Variants in IL1R2 observed in about 807,000 individuals in gnomAD.
IL1R2 encodes the protein interleukin 1 receptor type 2.
Under a neutral mutation model 39.5 loss-of-function variants are expected in IL1R2, and 46 were observed. That is an observed-to-expected ratio of 1.16 (90% CI 0.92 to 1.49). IL1R2 has a LOEUF of 1.49. Among genes scored for constraint, IL1R2 ranks in the 40% most tolerant of loss-of-function variants. IL1R2 has a pLI of 0.00. For missense variants in IL1R2, 537 were observed against 502.0 expected (o/e 1.07, Z -0.67); for synonymous variants, 207 against 189.6 (o/e 1.09, Z -0.75).
intron 1 of IL1R2, among the ~76,000 whole-genome samples, chr2:101,993,312 C>T (rs1169457494): frequency 1.3e-5 from 2 of 152,086 alleles, no homozygotes; most frequent in Non-Finnish European, 2.9e-5. Flanking sequence ...TGACAGCTCA[C>T]CTGCTCAGGG....
At position 102,028,400 on chromosome 2, in the gene IL1R2, G is replaced by T. The variant is rs1263620542; in HGVS notation, c.*8G>T. 6.4e-7 allele frequency: 1 copy of T among 1,574,176 alleles called. No homozygotes were observed. Reference sequence around the variant, plus strand: ...CAATCCTATCCCAAGTGAAATAAATGGAATGAAATAATTCAAACACAAACT... The same window carrying T: ...CAATCCTATCCCAAGTGAAATAAATTGAATGAAATAATTCAAACACAAACT... On this transcript the variant is annotated 3_prime_UTR_variant, in exon 9 of 9. Transcript: ENST00000332549.
At chr2:102,004,571 A>G (rs1248575520) in intron 1 of IL1R2, among the ~76,000 whole-genome samples, 1 of 152,174 alleles carries the variant, frequency 6.6e-6, no homozygotes, top group Non-Finnish European at 1.5e-5. Flanking sequence ...TCTTCCAGTA[A>G]GAAGGTCAAC....
At chr2:102,018,182 C>T (rs564215053) in intron 4 of IL1R2, among the ~76,000 whole-genome samples, 1 of 152,298 alleles carries the variant, frequency 6.6e-6, no homozygotes, top group East Asian at 1.9e-4. Context: ...GTGATCCTTC[C>T]ACCTCAGCTT....
At chr2:101,995,253 A>G (rs955110278) in intron 1 of IL1R2, among the ~76,000 whole-genome samples, 1 of 152,182 alleles carries the variant, frequency 6.6e-6, no homozygotes, top group Non-Finnish European at 1.5e-5. Context: ...GAGGATCAGG[A>G]GGTCAGTGTC....
chr2:102,022,682 T>C (rs759660900), intron 6 of IL1R2, among the ~76,000 whole-genome samples: 3 of 152,204 alleles, frequency 2.0e-5, no homozygotes, highest in African/African-American at 4.8e-5. Context: ...TGGGCTCAGC[T>C]GTGGTCAGTT....
At chr2:102,011,335 C>T (rs1676619292) in intron 3 of IL1R2, among the ~76,000 whole-genome samples, 2 of 152,186 alleles carry the variant, frequency 1.3e-5, no homozygotes, top group African/African-American at 4.8e-5. Flanking sequence ...AGTGGCTGTA[C>T]CATTTTTCAT....
At chr2:102,009,414 G>A (rs1676473813) in intron 2 of IL1R2, 148 bp from the exon 3 acceptor site, 7 of 853,160 alleles carry the variant, frequency 8.2e-6, no homozygotes, top group South Asian at 3.3e-5. Context: ...CCAGGGTGTA[G>A]GTCTTTTTGT....
intron 1 of IL1R2, among the ~76,000 whole-genome samples, chr2:101,992,467 AG>A (rs918812393): frequency 6.6e-6 from 1 of 150,538 alleles, no homozygotes; most frequent in African/African-American, 2.5e-5. Flanking sequence ...GGAGACAGAC[AG>A]AGAGACAGAG....
chr2:102,017,102 A>T (rs1239635477), intron 4 of IL1R2, among the ~76,000 whole-genome samples: 1 of 152,186 alleles, frequency 6.6e-6, no homozygotes, highest in Non-Finnish European at 1.5e-5. Flanking sequence ...GAGTTTTTTT[A>T]AAAAGTACAT....
At chr2:102,019,408 C>G (rs1169671149) in intron 4 of IL1R2, among the ~76,000 whole-genome samples, 2 of 152,122 alleles carry the variant, frequency 1.3e-5, no homozygotes, top group East Asian at 1.9e-4. Flanking sequence ...CAAATATGCT[C>G]TAACTATTGT....
intron 1 of IL1R2, among the ~76,000 whole-genome samples, chr2:101,995,293 ATGT>A (rs920648963): frequency 6.6e-6 from 1 of 151,374 alleles, no homozygotes; most frequent in Non-Finnish European, 1.5e-5. Context: ...GCAGCAGCAG[ATGT>A]TGTTTTTTTT....
intron 1 of IL1R2, among the ~76,000 whole-genome samples, chr2:101,996,416 G>A (rs190339201): frequency 1.7e-3 from 258 of 150,672 alleles, no homozygotes; most frequent in Non-Finnish European, 2.0e-3. Flanking sequence ...TTGAAGATCA[G>A]GTTTTCTTTT....
chr2:102,002,717 T>TCTATGC lies in IL1R2; in HGVS notation c.-61-5786_-61-5781dup, dbSNP rs1180986659. On this transcript the variant is annotated intron_variant, in intron 1 of 8. Transcript: ENST00000332549. Reference sequence around the variant, plus strand: ...GTCTATGTCTAGGTCTATGTCTATGTCTATGCCTATGCCTATGTCTATGTC... The same window carrying TCTATGC: ...GTCTATGTCTAGGTCTATGTCTATGTCTATGCCTATGCCTATGCCTATGTCTATGTC... Among the ~76,000 whole-genome samples the TCTATGC allele has an allele frequency of 6.3e-3, 955 of 152,172 alleles. 10 individuals are homozygous for TCTATGC. The highest frequency in any genetic ancestry group is 0.022 in the African/African-American group (894 of 41,470).
At chr2:102,008,989 A>T (rs1177536441) in intron 2 of IL1R2, among the ~76,000 whole-genome samples, 2 of 151,680 alleles carry the variant, frequency 1.3e-5, no homozygotes, top group African/African-American at 4.9e-5. Flanking sequence ...AGATTGCATC[A>T]CTCCACTCCA....
At chr2:102,024,994 C>A (rs1353224198) in intron 7 of IL1R2, among the ~76,000 whole-genome samples, 1 of 152,164 alleles carries the variant, frequency 6.6e-6, no homozygotes, top group Non-Finnish European at 1.5e-5. Context: ...CACTCTGCAA[C>A]CTGACTATCA....
chr2:101,996,896 T>C (rs1406307152), intron 1 of IL1R2, among the ~76,000 whole-genome samples: 1 of 130,550 alleles, frequency 7.7e-6, no homozygotes, highest in Non-Finnish European at 1.5e-5. Context: ...CTAAAGGCCC[T>C]TTCCCACTAG....
chr2:102,013,554 G>GAAAAAAAAAAAAAAAAAAAAAAAA (rs1577711343), intron 3 of IL1R2, among the ~76,000 whole-genome samples: 5 of 31,662 alleles, frequency 1.6e-4, no homozygotes, highest in Admixed American at 3.6e-4. Flanking sequence ...AAAAAAAAAG[G>GAAAAAAAAAAAAAAAAAAAAAAAA]AAAGAAAGAA....
intron 1 of IL1R2, among the ~76,000 whole-genome samples, chr2:101,993,989 G>T (rs1675466129): frequency 6.6e-6 from 1 of 152,148 alleles, no homozygotes; most frequent in Non-Finnish European, 1.5e-5. Context: ...CATCAGCTCT[G>T]CCCTCCCAAG....
intron 6 of IL1R2, 55 bp from the exon 7 acceptor site, chr2:102,024,478 G>C (rs1677603334): frequency 1.5e-6 from 2 of 1,314,218 alleles, no homozygotes. Context: ...CAGGTTTGCT[G>C]GTGGGTGGGA....
Sources: gnomAD v4.1 joint callset for allele counts (sites outside exome capture counted in the v4.1 genomes callset) on GRCh38, gnomAD v4.1.1 for gene constraint, MANE v1.5 for transcripts, NCBI Gene and HGNC (gene_info 2026-07-23, HGNC 2026-07-21) for gene names.